The following ANO10 variants were observed in gnomAD, a reference collection of about 807,000 sequenced individuals.
ANO10 encodes anoctamin 10.
A neutral mutation model predicts 74.7 loss-of-function variants in ANO10; 77 were observed. The observed-to-expected ratio is 1.03, with a 90% CI of 0.86 to 1.25. ANO10 has a LOEUF of 1.25. Among genes scored for constraint, ANO10 ranks in the 50% most tolerant of loss-of-function variants. ANO10 has a pLI of 0.00. For synonymous variants in ANO10, 279 were observed against 284.9 expected, an observed-to-expected ratio of 0.98 and a Z score of 0.21; for missense variants, 721 against 778.1, an observed-to-expected ratio of 0.93 and a Z score of 0.87.
At chr3:43,623,102 G>A (rs2083454820), upstream of ANO10, among the ~76,000 whole-genome samples, 1 of 152,158 alleles carries the variant, frequency 6.6e-6, no homozygotes, top group Non-Finnish European at 1.5e-5. Context: ...CTGACCTCAG[G>A]TGATCCGCCT....
At chr3:43,589,245 TATA>T (rs2081614235) in intron 4 of ANO10, among the ~76,000 whole-genome samples, 1 of 152,186 alleles carries the variant, frequency 6.6e-6, no homozygotes, top group Non-Finnish European at 1.5e-5. Context: ...ATGTCATTAA[TATA>T]ATGACATCTT....
intron 11 of ANO10, among the ~76,000 whole-genome samples, chr3:43,500,126 G>A (rs993024853): frequency 6.6e-6 from 1 of 152,102 alleles, no homozygotes; most frequent in African/African-American, 2.4e-5. Flanking sequence ...GATTAGAGGC[G>A]TGAGCCACTG....
At chr3:43,381,598 T>A (rs1375342816) in intron 12 of ANO10, among the ~76,000 whole-genome samples, 1 of 151,980 alleles carries the variant, frequency 6.6e-6, no homozygotes, top group African/African-American at 2.4e-5. Context: ...AGAAATGAAA[T>A]AGACAGCAAC....
upstream of ANO10, among the ~76,000 whole-genome samples, chr3:43,623,469 T>C (rs2083460775): frequency 6.6e-6 from 1 of 152,232 alleles, no homozygotes; most frequent in Admixed American, 6.5e-5. Flanking sequence ...CCACAGATAA[T>C]GGAGGATTAC....
intron 8 of ANO10, among the ~76,000 whole-genome samples, chr3:43,562,549 C>T (rs560070082): frequency 8.6e-5 from 13 of 150,600 alleles, no homozygotes; most frequent in South Asian, 4.2e-4. Flanking sequence ...GGCGTGGTGG[C>T]GCACATCTGT....
At position 43,580,337 on chromosome 3, in the gene ANO10, A is replaced by G; in HGVS notation, c.592+16T>C. ...AGGCCTTCCTCTTCTTTAAGAGAAC[A>G]AGTACTGACACATACCTATGGGCTG... is the stretch of plus-strand genomic sequence containing the variant. On this transcript the variant is annotated intron_variant, in intron 5 of 12. Coordinates refer to ENST00000292246, the MANE Select transcript of ANO10 (RefSeq NM_018075.5). 1 of 1,613,480 alleles carries G rather than the reference A, an allele frequency of 6.2e-7. No homozygotes were observed. The highest frequency in any genetic ancestry group is 1.7e-4 in the Middle Eastern group (1 of 6,060).
intron 11 of ANO10, among the ~76,000 whole-genome samples, chr3:43,516,022 G>C (rs1444137571): frequency 6.6e-6 from 1 of 152,142 alleles, no homozygotes; most frequent in Non-Finnish European, 1.5e-5. Context: ...CGTGATCTGA[G>C]ATATTTCACA....
intron 12 of ANO10, among the ~76,000 whole-genome samples, chr3:43,401,274 GTGA>G: frequency 6.6e-6 from 1 of 152,272 alleles, no homozygotes; most frequent in Non-Finnish European, 1.5e-5. Flanking sequence ...TTTCTGTCAT[GTGA>G]ACACTCATGA....
intron 4 of ANO10, among the ~76,000 whole-genome samples, chr3:43,583,928 C>A (rs1290880615): frequency 6.6e-6 from 1 of 152,192 alleles, no homozygotes; most frequent in African/African-American, 2.4e-5. Context: ...ACATGATAAT[C>A]ATCCAATAGA....
intron 11 of ANO10, among the ~76,000 whole-genome samples, chr3:43,473,075 A>G (rs528718560): frequency 6.6e-6 from 1 of 152,312 alleles, no homozygotes; most frequent in East Asian, 1.9e-4. Flanking sequence ...TAATAAGTGG[A>G]GAGAAATCAT....
chr3:43,556,408 CA>C (rs1181323285), intron 9 of ANO10, among the ~76,000 whole-genome samples: 1 of 152,022 alleles, frequency 6.6e-6, no homozygotes, highest in African/African-American at 2.4e-5. Flanking sequence ...TGTATAGCAC[CA>C]GGGGAGCCCT....
At chr3:43,592,752 C>T (rs902067804) in intron 4 of ANO10, among the ~76,000 whole-genome samples, 1 of 152,204 alleles carries the variant, frequency 6.6e-6, no homozygotes, top group Non-Finnish European at 1.5e-5. Flanking sequence ...CAGAGAATGA[C>T]TTTGACGAGT....
chr3:43,634,691 C>T (rs570160384), intron 1 of ANO10, among the ~76,000 whole-genome samples: 1 of 152,146 alleles, frequency 6.6e-6, no homozygotes, highest in East Asian at 1.9e-4. Context: ...TGGTGACCAT[C>T]CTGGAAGACT....
At chr3:43,602,330 TATTA>T (rs774288076) in intron 2 of ANO10, among the ~76,000 whole-genome samples, 27 of 152,258 alleles carry the variant, frequency 1.8e-4, no homozygotes, top group East Asian at 3.9e-4. Context: ...AACCTTTTTT[TATTA>T]ATTAATTAAT....
In ANO10 at chr3:43,366,854, T is replaced by C. The variant is rs1575574704; in HGVS notation, c.*52A>G. On this transcript the variant is annotated 3_prime_UTR_variant, in exon 13 of 13. Coordinates refer to ENST00000292246, the MANE Select transcript of ANO10 (RefSeq NM_018075.5). ...GTACCCCCCCTGCCACCGTGGCAGG[T>C]GTGGCACAGACACAGGCCTCTGCCA... The C allele has an allele frequency of 2.0e-6, 3 of 1,517,490 alleles. No homozygotes were observed. The East Asian group carries it at 7.2e-5, about 37-fold the overall frequency. 94.0% of individuals were successfully genotyped at this position (1,517,490 alleles called of 1,614,324 possible).
Position 43,574,827 on chromosome 3 carries a change from T to C in ANO10, c.1200A>G (p.Leu400=), listed in dbSNP as rs1312319444. ...TACTTACCACTAAAACTTTCAGAAT[T>C]AGATGGTTCTGATAGGCAGATTCCA... The part of the protein sequence containing the change: ...HRLESAYQNH[L]ILKVLVFNFL... Residue 400 remains leucine, a synonymous_variant, in exon 7 of 13, where the codon CTA becomes CTG. Transcript: ENST00000292246. The C allele has an allele frequency of 6.2e-7, 1 of 1,614,006 alleles. No homozygotes were observed. Among genetic ancestry groups the C allele is most frequent in the East Asian group, 2.2e-5 (1 of 44,872 alleles).
At chr3:43,584,015 C>T (rs543984582) in intron 4 of ANO10, among the ~76,000 whole-genome samples, 1 of 152,252 alleles carries the variant, frequency 6.6e-6, no homozygotes, top group South Asian at 2.1e-4. Context: ...AACCTTGGAT[C>T]CCTTAAAAAC....
Position 43,465,594 on chromosome 3 carries a change from A to T in ANO10, c.1798-32867T>A, listed in dbSNP as rs1295722930. ...ATTTAACCTGGTAGGCAGAGGTTACAGTGAGCTGAGATCACACCACTGCAC... is the reference window on the plus strand; with the variant it reads ...ATTTAACCTGGTAGGCAGAGGTTACTGTGAGCTGAGATCACACCACTGCAC... On this transcript the variant is annotated intron_variant, in intron 11 of 12. Transcript: ENST00000292246. Among the ~76,000 whole-genome samples the T allele has an allele frequency of 2.6e-5, 4 of 152,198 alleles. No individual in the cohort carries two copies. The East Asian group carries it at 7.7e-4, about 29-fold the overall frequency.
chr3:43,688,844 A>AG (rs1310243182), intron 1 of ANO10, among the ~76,000 whole-genome samples: 14 of 151,308 alleles, frequency 9.3e-5, no homozygotes, highest in Admixed American at 7.9e-4. Context: ...ACTCCGTCTT[A>AG]GAAAAAAAAA....
Sources: gnomAD v4.1 joint callset for allele counts (sites outside exome capture counted in the v4.1 genomes callset) on GRCh38, gnomAD v4.1.1 for gene constraint, MANE v1.5 for transcripts, NCBI Gene and HGNC (gene_info 2026-07-23, HGNC 2026-07-21) for gene names.